EPDR1: variants seen among roughly 807,000 people sequenced by gnomAD.
EPDR1 encodes the protein mammalian ependymin-related protein 1.
In EPDR1, 27 loss-of-function variants were observed where a neutral mutation model predicts 23.7. That is an observed-to-expected ratio of 1.14 (90% CI 0.84 to 1.57). The LOEUF is 1.57. Among genes scored for constraint, EPDR1 ranks in the 40% most tolerant of loss-of-function variants. The pLI, the probability that EPDR1 is intolerant of heterozygous loss-of-function variation, is 0.00. For synonymous variants in EPDR1, 137 were observed against 118.2 expected (o/e 1.16, Z -1.03); for missense variants, 349 against 290.4 (o/e 1.20, Z -1.47).
Position 37,935,993 on chromosome 7 carries a change from C to CATAT in EPDR1, c.270-12803_270-12800dup, listed in dbSNP as rs752536687. On this transcript the variant is annotated intron_variant, in intron 1 of 2. Transcript: ENST00000199448. ...TGATTTGGGAACTAGCAAATCATGG[C>CATAT]ATATATATATATATATATATATATA... 1.5e-3 allele frequency among the ~76,000 whole-genome samples: 68 copies of CATAT among 45,580 alleles called. 4 individuals carry two copies. Among genetic ancestry groups the CATAT allele is most frequent in the South Asian group, 4.7e-3 (5 of 1,062 alleles). 29.9% of individuals were successfully genotyped at this position (45,580 alleles called of 152,430 possible).
chr7:37,941,908 C>T lies in EPDR1; in HGVS notation c.270-6932C>T, dbSNP rs192250508. Among the ~76,000 whole-genome samples the T allele has an allele frequency of 5.1e-3, 781 of 152,132 alleles. 6 individuals carry two copies. Among genetic ancestry groups the T allele is most frequent in the African/African-American group, 0.018 (747 of 41,518 alleles). On this transcript the variant is annotated intron_variant, in intron 1 of 2. Transcript: ENST00000199448. The stretch of plus-strand genomic sequence containing the variant: ...AGTATTTAGAAAACTAGAAAAAATA[C>T]AGTAAAATGTAGAGAATTGTTGAGC...
chr7:37,950,719 G>T lies in EPDR1; in HGVS notation c.*323G>T. ...ATGCAGTGCCATGCACATAGGGAAG[G>T]GTCAGTAAGAGAAGTTTGCCTTGGC... On this transcript the variant is annotated 3_prime_UTR_variant, in exon 3 of 3. Coordinates refer to ENST00000199448, the MANE Select transcript of EPDR1 (RefSeq NM_017549.5). The T allele has an allele frequency of 4.3e-6, 1 of 234,660 alleles. No individual in the cohort carries two copies. Among genetic ancestry groups the T allele is most frequent in the Non-Finnish European group, 8.2e-6 (1 of 122,542 alleles). 14.5% of individuals were successfully genotyped at this position (234,660 alleles called of 1,614,324 possible). A position where few individuals can be genotyped will look rare whatever the true frequency, so the allele number is the denominator to read the frequency against.
At chr7:37,948,227 A>G (rs1025395917) in intron 1 of EPDR1, among the ~76,000 whole-genome samples, 6 of 151,802 alleles carry the variant, frequency 4.0e-5, no homozygotes, top group African/African-American at 1.5e-4. Context: ...AAGTTCACAA[A>G]CCAGCTCTTC....
chr7:37,942,948 C>A (rs539637703), intron 1 of EPDR1, among the ~76,000 whole-genome samples: 1 of 152,172 alleles, frequency 6.6e-6, no homozygotes. Flanking sequence ...AATCCTTTGT[C>A]CCATATGGTG....
At chr7:37,923,959 A>G (rs1370145838) in intron 1 of EPDR1, among the ~76,000 whole-genome samples, 2 of 152,200 alleles carry the variant, frequency 1.3e-5, no homozygotes, top group Non-Finnish European at 2.9e-5. Flanking sequence ...TTATCCTGGT[A>G]AAGTTACCAT....
intron 1 of EPDR1, among the ~76,000 whole-genome samples, chr7:37,926,254 T>C (rs1272285228): frequency 6.6e-6 from 1 of 152,182 alleles, no homozygotes; most frequent in Non-Finnish European, 1.5e-5. Flanking sequence ...GCAATTATAA[T>C]ACAAAGAGCT....
intron 1 of EPDR1, among the ~76,000 whole-genome samples, chr7:37,939,731 C>T (rs1786132973): frequency 6.6e-6 from 1 of 152,130 alleles, no homozygotes; most frequent in South Asian, 2.1e-4. Flanking sequence ...ATATTCTTAA[C>T]AAAAACCTAG....
chr7:37,949,093 G>A (rs1319130916), intron 2 of EPDR1, 45 bp downstream of exon 2: 1 of 1,569,488 alleles, frequency 6.4e-7, no homozygotes, highest in South Asian at 1.1e-5. Context: ...CATGCATGAT[G>A]GGGAAAAAGG....
intron 1 of EPDR1, among the ~76,000 whole-genome samples, chr7:37,921,756 T>C (rs1785710520): frequency 6.6e-6 from 1 of 152,250 alleles, no homozygotes; most frequent in South Asian, 2.1e-4. Context: ...CATTAAAATT[T>C]TGGTCTACTC....
At position 37,951,783 on chromosome 7, in the gene EPDR1, A is replaced by G. The variant is rs1786412370; in HGVS notation, c.*1387A>G. ...TGACACCTATATTATAATGAAAACA[A>G]TCTCATTACTTATAGTTTATCTATA... On this transcript the variant is annotated 3_prime_UTR_variant, in exon 3 of 3. Transcript: ENST00000199448. 1 of 152,174 alleles carries G rather than the reference A, an allele frequency of 6.6e-6. No homozygotes were observed. The highest frequency in any genetic ancestry group is 1.5e-5 in the Non-Finnish European group (1 of 68,046). The allele number at this position is 152,174 out of a possible 1,614,324, so 9.4% of individuals were successfully genotyped here.
intron 1 of EPDR1, among the ~76,000 whole-genome samples, chr7:37,928,217 C>T (rs544323553): frequency 6.6e-6 from 1 of 152,326 alleles, no homozygotes; most frequent in South Asian, 2.1e-4. Context: ...TGAGCTGTTT[C>T]TTCCTGATTC....
rs1292346704 is a variant in EPDR1 at position 37,936,045 on chromosome 7, A to C, written c.270-12795A>C. 6.0e-5 allele frequency among the ~76,000 whole-genome samples: 4 copies of C among 66,880 alleles called. 1 individual carries two copies. Among genetic ancestry groups the C allele is most frequent in the Admixed American group, 3.3e-4 (2 of 6,104 alleles). The allele number at this position is 66,880 out of a possible 152,430, so 43.9% of individuals were successfully genotyped here. On this transcript the variant is annotated intron_variant, in intron 1 of 2. Transcript: ENST00000199448. ...ATATATATATATATATATATACACAAGGGAAATGTGAATCTGTTAAAATTA... is the reference window on the plus strand; with the variant it reads ...ATATATATATATATATATATACACACGGGAAATGTGAATCTGTTAAAATTA...
At chr7:37,925,863 T>A (rs1334465594) in intron 1 of EPDR1, among the ~76,000 whole-genome samples, 1 of 152,260 alleles carries the variant, frequency 6.6e-6, no homozygotes, top group African/African-American at 2.4e-5. Flanking sequence ...TCTAATGCAA[T>A]GAACTTGACA....
chr7:37,949,808 T>G (rs978161129), intron 2 of EPDR1, among the ~76,000 whole-genome samples: 5 of 152,194 alleles, frequency 3.3e-5, no homozygotes. Context: ...CACCAGCACA[T>G]GCTACAGCCT....
At chr7:37,949,129 T>TC in intron 2 of EPDR1, 81 bp downstream of exon 2, 1 of 1,401,004 alleles carries the variant, frequency 7.1e-7, no homozygotes. Flanking sequence ...GAAGGTAGTT[T>TC]TTAGGGAAAC....
chr7:37,944,551 G>A (rs1358470553), intron 1 of EPDR1, among the ~76,000 whole-genome samples: 1 of 152,184 alleles, frequency 6.6e-6, no homozygotes, highest in Non-Finnish European at 1.5e-5. Context: ...ACTCACAGTG[G>A]CAGAAGAAGG....
At chr7:37,928,865 A>G (rs894755696) in intron 1 of EPDR1, among the ~76,000 whole-genome samples, 5 of 152,048 alleles carry the variant, frequency 3.3e-5, no homozygotes, top group Non-Finnish European at 7.4e-5. Context: ...AACTTTTATT[A>G]TGTCTCGGCT....
At chr7:37,926,514 A>C (rs1298817788) in intron 1 of EPDR1, among the ~76,000 whole-genome samples, 1 of 149,864 alleles carries the variant, frequency 6.7e-6, no homozygotes. Flanking sequence ...AAATGCAAGC[A>C]TTACACTTAA....
chr7:37,945,418 C>A (rs1449493792), intron 1 of EPDR1, among the ~76,000 whole-genome samples: 1 of 152,150 alleles, frequency 6.6e-6, no homozygotes, highest in African/African-American at 2.4e-5. Context: ...ACAAGATACA[C>A]ATAAAGGTGT....
Sources: allele counts gnomAD v4.1 joint callset (sites outside exome capture counted in the v4.1 genomes callset), GRCh38; gene constraint gnomAD v4.1.1; transcripts MANE v1.5; gene names NCBI Gene and HGNC (gene_info 2026-07-23, HGNC 2026-07-21).